TXNDC12: variants seen among roughly 807,000 people sequenced by gnomAD.
TXNDC12 encodes the protein thioredoxin domain containing 12.
In TXNDC12, 22 loss-of-function variants were observed where a neutral mutation model predicts 24.2. The ratio of observed to expected loss-of-function variants is 0.91; its 90% CI spans 0.65 to 1.30. The LOEUF (loss-of-function observed/expected upper bound fraction) is 1.30. Ranked by LOEUF, TXNDC12 falls within the 50% of genes most tolerant of loss-of-function variation. The probability of loss-of-function intolerance (pLI) is 0.00; values close to 1 mark genes in which losing one functional copy is unlikely to be tolerated. For missense variants in TXNDC12, 184 were observed against 205.8 expected (o/e 0.89, Z 0.65); for synonymous variants, 58 against 73.4 (o/e 0.79, Z 1.07).
In TXNDC12 at chr1:52,027,356, G is replaced by T; in HGVS notation, c.212-8C>A. ...CAAATTTGGGCTTTAGAGCTGGGGG[G>T]AAAAAGATTTTGGAATAGAAGAAAA... On this transcript the variant is annotated splice_region_variant and splice_polypyrimidine_tract_variant and intron_variant, in intron 3 of 6. Coordinates refer to ENST00000371626, the MANE Select transcript of TXNDC12 (RefSeq NM_015913.4). 2 of 1,604,090 alleles carry T rather than the reference G, an allele frequency of 1.2e-6. No individual in the cohort carries two copies. Among genetic ancestry groups the T allele is most frequent in the Non-Finnish European group, 1.7e-6 (2 of 1,172,220 alleles).
intron 1 of TXNDC12, among the ~76,000 whole-genome samples, chr1:52,053,100 A>AC (rs1491453392): frequency 0.12 from 16 of 138 alleles, no homozygotes; most frequent in Non-Finnish European, 0.08. Flanking sequence ...AAAAAAATAC[A>AC]AAAAAAAAAA....
chr1:52,055,126 A>G lies in TXNDC12; in HGVS notation c.-30T>C. 1 of 1,538,688 alleles carries G rather than the reference A, an allele frequency of 6.5e-7. No homozygotes were observed. The highest frequency in any genetic ancestry group is 9.0e-7 in the Non-Finnish European group (1 of 1,111,966). ...GTAGGTGCGCGGGGCCACGGGGCTG[A>G]GCGGACGCAGGGCCGGAGTCCCAGC... On this transcript the variant is annotated 5_prime_UTR_variant, in exon 1 of 7. Transcript: ENST00000371626.
At chr1:52,029,032 A>C (rs936232405) in intron 2 of TXNDC12, among the ~76,000 whole-genome samples, 1 of 152,090 alleles carries the variant, frequency 6.6e-6, no homozygotes, top group Non-Finnish European at 1.5e-5. Context: ...GGTGGCTGAA[A>C]TATGAGAATT....
chr1:52,020,911 T>A lies in TXNDC12; in HGVS notation c.*22A>T. ...TTTCCTTCCAGAACACTAACTCTGA[T>A]GAAAGAAGGGGCACATTCATGTTAC... On this transcript the variant is annotated 3_prime_UTR_variant, in exon 7 of 7. Transcript: ENST00000371626. The A allele has an allele frequency of 1.3e-6, 2 of 1,593,434 alleles. No individual in the cohort carries two copies. The highest frequency in any genetic ancestry group is 1.7e-4 in the Middle Eastern group (1 of 6,020).
chr1:52,026,729 C>T (rs1350139616), intron 4 of TXNDC12, among the ~76,000 whole-genome samples: 1 of 151,922 alleles, frequency 6.6e-6, no homozygotes, highest in Non-Finnish European at 1.5e-5. Flanking sequence ...GTGAGACCCT[C>T]ATATCTACTA....
chr1:52,021,076 T>G, intron 6 of TXNDC12, 64 bp from the exon 7 acceptor site: 1 of 1,159,366 alleles, frequency 8.6e-7, no homozygotes, highest in Non-Finnish European at 1.3e-6. Flanking sequence ...TGACAACCAA[T>G]GTACACTTTT....
rs1187234714 is a variant in TXNDC12 at position 52,033,500 on chromosome 1, G to A, written c.159-4870C>T. ...CGTGCCAGGCAGTAGAGCTCGTAAC[G>A]GAAACCTTTGATGTAGTTAAGCGAG... On this transcript the variant is annotated intron_variant, in intron 2 of 6. Coordinates refer to ENST00000371626, the MANE Select transcript of TXNDC12 (RefSeq NM_015913.4). 7 of 1,613,912 alleles carry A rather than the reference G, an allele frequency of 4.3e-6. No homozygotes were observed. The African/African-American group carries it at 8.0e-5, about 18-fold the overall frequency.
At position 52,051,377 on chromosome 1, in the gene TXNDC12, A is replaced by AT. The variant is rs1164953608; in HGVS notation, c.97+3622dup. On this transcript the variant is annotated intron_variant, in intron 1 of 6. Transcript: ENST00000371626. ...GATTACAATCCAGGCCTCCTAATTT[A>AT]TTTATTTATTTTTTTTGAGACAGAG... Among the ~76,000 whole-genome samples the AT allele has an allele frequency of 1.1e-4, 16 of 151,158 alleles. No homozygotes were observed. The East Asian group carries it at 1.2e-3, about 11-fold the overall frequency.
intron 2 of TXNDC12, chr1:52,033,438 T>C (rs1367883745): frequency 6.2e-7 from 1 of 1,612,754 alleles, no homozygotes; most frequent in East Asian, 2.2e-5. Context: ...CGCCGGGCCG[T>C]ACGCAGTAGA....
At chr1:52,027,404 C>G in intron 3 of TXNDC12, 56 bp from the exon 4 acceptor site, 2 of 1,267,500 alleles carry the variant, frequency 1.6e-6, no homozygotes, top group Non-Finnish European at 2.3e-6. Flanking sequence ...ACAACTAAAC[C>G]TTAACGAACA....
chr1:52,033,586 C>T (rs1458628570), intron 2 of TXNDC12: 3 of 1,613,566 alleles, frequency 1.9e-6, no homozygotes, highest in Non-Finnish European at 2.5e-6. Flanking sequence ...CAGAGCTCCA[C>T]GCAATGCCTT....
At position 52,055,078 on chromosome 1, in the gene TXNDC12, G is replaced by C. The variant is rs146601437; in HGVS notation, c.19C>G (p.Leu7Val). 1 of 1,613,884 alleles carries C rather than the reference G, an allele frequency of 6.2e-7. No homozygotes were observed. Among genetic ancestry groups the C allele is most frequent in the African/African-American group, 1.3e-5 (1 of 74,942 alleles). Residue 7 changes from leucine to valine, a missense_variant, in exon 1 of 7, where the codon CTC becomes GTC. Leu to Val is a conservative substitution (Grantham distance 32). Coordinates refer to ENST00000371626, the MANE Select transcript of TXNDC12 (RefSeq NM_015913.4). METRPR[L>V]GATCLLGFSF... ...AAGCCCAGCAAACAGGTGGCCCCGA[G>C]ACGAGGCCGCGTCTCCATGGCAGTA...
chr1:52,054,999 C>T lies in TXNDC12; in HGVS notation c.97+1G>A. The T allele has an allele frequency of 6.2e-7, 1 of 1,611,934 alleles. No homozygotes were observed. Among genetic ancestry groups the T allele is most frequent in the Non-Finnish European group, 8.5e-7 (1 of 1,178,036 alleles). ...AAGAGAAGATAAGAACGCGGTCTGA[C>T]CCTTTCCAAGCCCATTATGTCCATC... On this transcript the variant is annotated splice_donor_variant, in intron 1 of 6. Transcript: ENST00000371626. LOFTEE classifies it high-confidence loss of function.
chr1:52,046,864 A>AT (rs1553236777), intron 1 of TXNDC12, among the ~76,000 whole-genome samples: 22 of 34,176 alleles, frequency 6.4e-4, no homozygotes, highest in Admixed American at 1.7e-3. Context: ...AAAAAAAAAA[A>AT]AAATATATAT....
chr1:52,032,160 T>A (rs751272106), intron 2 of TXNDC12: 1 of 980,824 alleles, frequency 1.0e-6, no homozygotes, highest in Non-Finnish European at 1.2e-6. Flanking sequence ...CTTTCTTACT[T>A]CCACAAAAAC....
At chr1:52,033,762 CCT>C in intron 2 of TXNDC12, 1 of 1,591,732 alleles carries the variant, frequency 6.3e-7, no homozygotes, top group Non-Finnish European at 8.6e-7. Context: ...CGAGCGGCAT[CCT>C]CTCAGGGAGC....
intron 2 of TXNDC12, among the ~76,000 whole-genome samples, chr1:52,039,429 G>A (rs780947791): frequency 6.6e-6 from 1 of 151,964 alleles, no homozygotes; most frequent in African/African-American, 2.4e-5. Flanking sequence ...CCAGGTTCAA[G>A]CGATTCTCCT....
intron 2 of TXNDC12, chr1:52,032,115 A>C (rs1685772397): frequency 1.0e-6 from 1 of 956,628 alleles, no homozygotes; most frequent in Non-Finnish European, 1.2e-6. Context: ...GACTATTTTA[A>C]AAGATTTTAT....
rs1040709729 is a variant in TXNDC12, at chr1:52,020,490, ATTGTTG to A, written c.*437_*442del. ...TGATTTACACTTAGGATTTATTGTT[ATTGTTG>A]TTGTTGTTGTTTTTTAATGATAAGC... On this transcript the variant is annotated 3_prime_UTR_variant, in exon 7 of 7. Transcript: ENST00000371626. 3.0e-5 allele frequency: 7 copies of A among 235,908 alleles called. No individual in the cohort carries two copies. Among genetic ancestry groups the A allele is most frequent in the African/African-American group, 9.0e-5 (4 of 44,374 alleles). 14.6% of individuals were successfully genotyped at this position (235,908 alleles called of 1,614,324 possible).
Sources: gnomAD v4.1 joint callset for allele counts (sites outside exome capture counted in the v4.1 genomes callset) on GRCh38, gnomAD v4.1.1 for gene constraint, MANE v1.5 for transcripts, NCBI Gene and HGNC (gene_info 2026-07-23, HGNC 2026-07-21) for gene names.